The following MED20 variants were observed in gnomAD, a reference collection of about 807,000 sequenced individuals.
MED20 encodes the protein mediator of RNA polymerase II transcription subunit 20.
A neutral mutation model predicts 19.7 loss-of-function variants in MED20; 19 were observed. The observed-to-expected ratio is 0.96, with a 90% CI of 0.67 to 1.42. The LOEUF is 1.42. MED20 is among the 40% of genes most tolerant of loss of function. MED20 has a pLI of 0.00. For synonymous variants in MED20, 105 were observed against 104.8 expected (o/e 1.00, Z -0.01); for missense variants, 225 against 273.0 (o/e 0.82, Z 1.24).
At chr6:41,909,050 T>A in intron 3 of MED20, 1 of 581,796 alleles carries the variant, frequency 1.7e-6, no homozygotes, top group African/African-American at 1.9e-5. Context: ...ATTCGGTGGG[T>A]GTAGTCCCAG....
intron 2 of MED20, among the ~76,000 whole-genome samples, chr6:41,916,084 A>C (rs1207850878): frequency 1.3e-5 from 2 of 151,466 alleles, no homozygotes; most frequent in African/African-American, 2.4e-5. Flanking sequence ...CTGTCTCTAC[A>C]AAAAATTTAA....
In MED20 at chr6:41,921,026, G is replaced by A. The variant is rs780476299; in HGVS notation, c.-8C>T. 3.9e-5 allele frequency: 63 copies of A among 1,612,598 alleles called. No homozygotes were observed. The highest frequency in any genetic ancestry group is 5.1e-5 in the Non-Finnish European group (60 of 1,179,298). On this transcript the variant is annotated 5_prime_UTR_variant, in exon 1 of 4. Coordinates refer to ENST00000265350, the MANE Select transcript of MED20 (RefSeq NM_004275.5). The stretch of plus-strand genomic sequence containing the variant: ...CTACCAAGTCACTCCCATGGCGTCG[G>A]GCCAGGAAGGTGGCAGAATCACACA...
intron 2 of MED20, among the ~76,000 whole-genome samples, chr6:41,915,542 C>T (rs1775292637): frequency 6.6e-6 from 1 of 152,006 alleles, no homozygotes; most frequent in African/African-American, 2.4e-5. Flanking sequence ...AATCCCAGCA[C>T]TTCGGGAGGC....
intron 2 of MED20, among the ~76,000 whole-genome samples, chr6:41,914,568 G>A (rs1775268726): frequency 6.6e-6 from 1 of 152,164 alleles, no homozygotes; most frequent in Non-Finnish European, 1.5e-5. Flanking sequence ...TCAAGGTTAA[G>A]TTACTGCAGA....
chr6:41,911,578 G>GA (rs1421186447), intron 2 of MED20, among the ~76,000 whole-genome samples: 1 of 151,836 alleles, frequency 6.6e-6, no homozygotes, highest in African/African-American at 2.4e-5. Flanking sequence ...AAGTCAGCAG[G>GA]AAAAAAAAGT....
Position 41,916,880 on chromosome 6 carries a change from G to A in MED20, c.74C>T (p.Thr25Ile), listed in dbSNP as rs767564473. ...KSVQQTVELL[T>I]RKLEMLGAEK... ...TGCCCCAAGCATCTCCAATTTCCGG[G>A]TAAGGAGCTCTACGGTTTGCTGAAC... Residue 25 changes from threonine to isoleucine, a missense_variant, in exon 2 of 4, where the codon ACC (threonine) becomes ATC (isoleucine). Coordinates refer to ENST00000265350, the MANE Select transcript of MED20 (RefSeq NM_004275.5). The A allele has an allele frequency of 1.2e-6, 2 of 1,614,018 alleles. No individual in the cohort carries two copies. Among genetic ancestry groups the A allele is most frequent in the Non-Finnish European group, 1.7e-6 (2 of 1,179,986 alleles).
At position 41,906,537 on chromosome 6, in the gene MED20, C is replaced by T. The variant is rs998133947; in HGVS notation, c.*535G>A. On this transcript the variant is annotated 3_prime_UTR_variant, in exon 4 of 4. Coordinates refer to ENST00000265350, the MANE Select transcript of MED20 (RefSeq NM_004275.5). ...AGGCAACACCCTAGGAAAGTCAATTCGCAAATCACTTCAGCAAACAGGTCA... is the reference window on the plus strand; with the variant it reads ...AGGCAACACCCTAGGAAAGTCAATTTGCAAATCACTTCAGCAAACAGGTCA... The T allele has an allele frequency of 2.0e-5, 3 of 153,484 alleles. No individual in the cohort carries two copies. Among genetic ancestry groups the T allele is most frequent in the African/African-American group, 7.2e-5 (3 of 41,448 alleles). The allele number at this position is 153,484 out of a possible 1,614,324, so 9.5% of individuals were successfully genotyped here. A position where few individuals can be genotyped will look rare whatever the true frequency, so the allele number is the denominator to read the frequency against.
At chr6:41,909,186 A>T in intron 3 of MED20, 83 bp downstream of exon 3, 2 of 1,504,228 alleles carry the variant, frequency 1.3e-6, no homozygotes, top group Non-Finnish European at 8.9e-7. Flanking sequence ...AAAAAAAAAA[A>T]GAGAAGAACT....
chr6:41,917,291 G>A (rs905483543), intron 1 of MED20: 7 of 173,660 alleles, frequency 4.0e-5, no homozygotes, highest in South Asian at 2.3e-4. Flanking sequence ...TCCCAACTAC[G>A]TGGGAGGCTC....
intron 1 of MED20, chr6:41,920,799 C>T (rs893319529): frequency 5.8e-6 from 3 of 514,048 alleles, no homozygotes; most frequent in Middle Eastern, 5.3e-4. Context: ...AAAAAAAAAA[C>T]CTTTGCTTTC....
Position 41,920,990 on chromosome 6 carries a change from C to G in MED20, c.14+15G>C. The stretch of plus-strand genomic sequence containing the variant: ...AACTCCAAGCCCCGCCCCACAAAAC[C>G]CCCTGCAGTCCTACCAAGTCACTCC... On this transcript the variant is annotated intron_variant, in intron 1 of 3. Coordinates refer to ENST00000265350, the MANE Select transcript of MED20 (RefSeq NM_004275.5). 6.2e-7 allele frequency: 1 copy of G among 1,611,520 alleles called. No individual in the cohort carries two copies. The highest frequency in any genetic ancestry group is 8.5e-7 in the Non-Finnish European group (1 of 1,178,752).
intron 1 of MED20, chr6:41,918,042 T>G: frequency 3.5e-6 from 1 of 286,312 alleles, no homozygotes; most frequent in South Asian, 2.9e-5. Context: ...TTCTAAGGTT[T>G]CCTCCTATGG....
At chr6:41,909,002 G>A in intron 3 of MED20, 1 of 502,000 alleles carries the variant, frequency 2.0e-6, no homozygotes, top group Non-Finnish European at 3.5e-6. Flanking sequence ...GGGCAACATA[G>A]TAAGACCTCA....
At chr6:41,907,811 T>C (rs1431292556) in intron 3 of MED20, among the ~76,000 whole-genome samples, 2 of 152,112 alleles carry the variant, frequency 1.3e-5, no homozygotes, top group Non-Finnish European at 2.9e-5. Context: ...ATATACATCT[T>C]AGGTTTTCTC....
intron 2 of MED20, among the ~76,000 whole-genome samples, chr6:41,910,129 C>T (rs2127375458): frequency 6.6e-6 from 1 of 152,200 alleles, no homozygotes; most frequent in South Asian, 2.1e-4. Context: ...AAACCAATGG[C>T]AAACCGTTGG....
intron 2 of MED20, among the ~76,000 whole-genome samples, chr6:41,913,252 A>G (rs1775240857): frequency 6.6e-6 from 1 of 152,174 alleles, no homozygotes; most frequent in African/African-American, 2.4e-5. Context: ...CAAGTGTGAG[A>G]ATCACTGATC....
intron 1 of MED20, among the ~76,000 whole-genome samples, chr6:41,917,162 G>T (rs1183627025): frequency 2.6e-5 from 4 of 152,140 alleles, no homozygotes; most frequent in African/African-American, 9.7e-5. Flanking sequence ...AGCACTTTGG[G>T]AGGTCAAGGC....
intron 1 of MED20, 90 bp from the exon 2 acceptor site, chr6:41,917,029 A>G: frequency 7.4e-7 from 1 of 1,355,548 alleles, no homozygotes; most frequent in Admixed American, 1.9e-5. Flanking sequence ...ACAGCTCATC[A>G]GGGCCAAAAG....
rs758356726 is a variant in MED20 at position 41,909,341 on chromosome 6, G to A, written c.351C>T (p.Tyr117=). Reference sequence around the variant, plus strand: ...CCTTCACCAGGAAGTCACAGTACTGGTACCTGGTGCCCCGGGTCTCAATCT... The same window carrying A: ...CCTTCACCAGGAAGTCACAGTACTGATACCTGGTGCCCCGGGTCTCAATCT... ...ASKIETRGTR[Y]QYCDFLVKVG... Residue 117 remains tyrosine (Y), a synonymous_variant, in exon 3 of 4, where the codon TAC becomes TAT. Coordinates refer to ENST00000265350, the MANE Select transcript of MED20 (RefSeq NM_004275.5). The A allele has an allele frequency of 6.2e-7, 1 of 1,614,114 alleles. No individual in the cohort carries two copies. The highest frequency in any genetic ancestry group is 8.5e-7 in the Non-Finnish European group (1 of 1,180,026).
Sources: gnomAD v4.1 joint callset for allele counts (sites outside exome capture counted in the v4.1 genomes callset) on GRCh38, gnomAD v4.1.1 for gene constraint, MANE v1.5 for transcripts, NCBI Gene and HGNC (gene_info 2026-07-23, HGNC 2026-07-21) for gene names.